The following PHF21B variants were observed in gnomAD, a reference collection of about 807,000 sequenced individuals.
PHF21B encodes PHD finger protein 21B.
Under a neutral mutation model 62.2 loss-of-function variants are expected in PHF21B, and 22 were observed. That is an observed-to-expected ratio of 0.35 (90% CI 0.25 to 0.51). The LOEUF is 0.51. Ranked by LOEUF, PHF21B falls within the 20% of genes least tolerant of loss-of-function variation. The pLI, the probability that PHF21B is intolerant of heterozygous loss-of-function variation, is 0.97. For synonymous variants in PHF21B, 341 were observed against 314.7 expected (o/e 1.08, Z -0.88); for missense variants, 701 against 707.9 (o/e 0.99, Z 0.11).
intron 2 of PHF21B, among the ~76,000 whole-genome samples, chr22:44,933,119 T>TC (rs1270519658): frequency 1.3e-5 from 2 of 150,988 alleles, no homozygotes; most frequent in African/African-American, 4.9e-5. Context: ...CTATTTCTTT[T>TC]TTTTTTTTTT....
chr22:44,995,140 T>C (rs901993477), intron 2 of PHF21B, among the ~76,000 whole-genome samples: 3 of 151,888 alleles, frequency 2.0e-5, no homozygotes, highest in Admixed American at 6.6e-5. Context: ...TGGGGAGGTA[T>C]GGGGGGGATG....
At chr22:44,959,638 C>T (rs941547011) in intron 2 of PHF21B, among the ~76,000 whole-genome samples, 8 of 152,206 alleles carry the variant, frequency 5.3e-5, no homozygotes, top group Non-Finnish European at 7.3e-5. Context: ...CAGGTGGTCC[C>T]GGTGCTGCAG....
chr22:44,957,232 C>T (rs1383097877), intron 2 of PHF21B, among the ~76,000 whole-genome samples: 1 of 152,256 alleles, frequency 6.6e-6, no homozygotes, highest in Non-Finnish European at 1.5e-5. Context: ...TTGCACAGTG[C>T]TCACCCAGCC....
intron 2 of PHF21B, chr22:44,969,308 G>A (rs773037287): frequency 1.3e-5 from 2 of 152,260 alleles, no homozygotes; most frequent in Non-Finnish European, 2.9e-5. Flanking sequence ...GCCTGGAAAG[G>A]CGCTTGAGCT....
At chr22:44,912,248 T>C (rs1183194162) in intron 5 of PHF21B, among the ~76,000 whole-genome samples, 1 of 152,208 alleles carries the variant, frequency 6.6e-6, no homozygotes, top group Non-Finnish European at 1.5e-5. Flanking sequence ...CTGTGGACTT[T>C]TGAGGTTAAT....
chr22:44,999,560 C>G (rs1001337788), intron 2 of PHF21B, among the ~76,000 whole-genome samples: 1 of 152,160 alleles, frequency 6.6e-6, no homozygotes, highest in African/African-American at 2.4e-5. Flanking sequence ...GTCACCAGGA[C>G]GGTTACTAAC....
intron 12 of PHF21B, among the ~76,000 whole-genome samples, chr22:44,884,697 A>T (rs374477121): frequency 1.7e-4 from 25 of 151,006 alleles, no homozygotes; most frequent in East Asian, 7.8e-4. Context: ...CATCATTACA[A>T]CCATCACCAT....
chr22:44,949,568 A>T (rs1197530430), intron 2 of PHF21B, among the ~76,000 whole-genome samples: 1 of 152,156 alleles, frequency 6.6e-6, no homozygotes, highest in East Asian at 1.9e-4. Context: ...ACGTCGCACA[A>T]GTCAGCAAGT....
chr22:44,933,465 A>G, intron 2 of PHF21B: 6 of 985,490 alleles, frequency 6.1e-6, no homozygotes, highest in South Asian at 4.7e-5. Context: ...TGTTCACTGC[A>G]CACCTACCCC....
rs188962789 is a variant in PHF21B at position 44,885,405 on chromosome 22, C to A, written c.1377+21G>T. ...ACACCTGCAGGGCTGAGGCCAGCCT[C>A]CCCCAGGCCCCGGGGCACACCTGCA... On this transcript the variant is annotated intron_variant, in intron 12 of 12. Coordinates refer to ENST00000313237, the MANE Select transcript of PHF21B (RefSeq NM_138415.5). 4.5e-4 allele frequency: 693 copies of A among 1,551,364 alleles called. 3 individuals carry two copies. In the African/African-American group the frequency reaches 8.8e-3, roughly 20 times the overall value.
At position 44,896,061 on chromosome 22, in the gene PHF21B, A is replaced by G. The variant is rs1198906881; in HGVS notation, c.854T>C (p.Leu285Pro). The change falls in exon 6 of 13, where the codon CTA becomes CCA. Residue 285 changes from leucine to proline, a missense_variant. By Grantham distance (98) the Leu-to-Pro change is moderately conservative. Coordinates refer to ENST00000313237, the MANE Select transcript of PHF21B (RefSeq NM_138415.5). ...CAAATGTTCCGTGGTAACCAGGCCT[A>G]GCGCTACCATGAAGGCGATTTTCTG... ...NPEKIAFMVA[L>P]GLVTTEHLEE... The G allele has an allele frequency of 6.2e-7, 1 of 1,614,078 alleles. No homozygotes were observed. Among genetic ancestry groups the G allele is most frequent in the African/African-American group, 1.3e-5 (1 of 74,942 alleles).
At chr22:44,916,667 G>T in intron 3 of PHF21B, 37 bp from the exon 4 acceptor site, 1 of 1,583,974 alleles carries the variant, frequency 6.3e-7, no homozygotes, top group Non-Finnish European at 8.6e-7. Flanking sequence ...CAGACAGGCA[G>T]ACACACAGGA....
chr22:44,896,803 T>C (rs2071064759), intron 5 of PHF21B, among the ~76,000 whole-genome samples: 1 of 152,164 alleles, frequency 6.6e-6, no homozygotes, highest in Non-Finnish European at 1.5e-5. Context: ...AGTTTTGTAA[T>C]GACCATTTCT....
intron 2 of PHF21B, among the ~76,000 whole-genome samples, chr22:44,995,782 A>ACCCCCCCCCCCCCCCCCCCCCCCCCCCCC (rs1016350979): frequency 7.4e-6 from 1 of 135,702 alleles, no homozygotes; most frequent in Non-Finnish European, 1.6e-5. Flanking sequence ...TTACTAGATG[A>ACCCCCCCCCCCCCCCCCCCCCCCCCCCCC]CCCCCCCGCC....
At chr22:44,891,196 A>C (rs2285124) in intron 8 of PHF21B, 110 bp downstream of exon 8, 151,652 of 1,226,252 alleles carry the variant, frequency 0.12, 11,892 homozygotes, top group African/African-American at 0.34. Flanking sequence ...CCCAGGTCAG[A>C]CCAGTGGGAG....
intron 3 of PHF21B, among the ~76,000 whole-genome samples, chr22:44,918,435 C>G (rs1338057569): frequency 6.6e-6 from 1 of 152,242 alleles, no homozygotes; most frequent in Non-Finnish European, 1.5e-5. Flanking sequence ...TGAGCCACCC[C>G]ACAGAGAACA....
intron 2 of PHF21B, among the ~76,000 whole-genome samples, chr22:44,921,233 G>T (rs1039318220): frequency 1.3e-5 from 2 of 152,158 alleles, no homozygotes; most frequent in African/African-American, 4.8e-5. Flanking sequence ...GAAGGGAGAT[G>T]GCACCCTCCC....
Position 45,009,005 on chromosome 22 carries a change from G to C in PHF21B, c.55-395C>G, listed in dbSNP as rs1224111575. On this transcript the variant is annotated intron_variant, in intron 1 of 12. Coordinates refer to ENST00000313237, the MANE Select transcript of PHF21B (RefSeq NM_138415.5). This position sits in a 1 kb window ranked among gnomAD's most constrained non-coding sequence, Gnocchi z 5.9. ...CAAAGCTCATAAATATTCAAGTCGCGTCCTAATCTCCCCAACACACACACG... is the reference window on the plus strand; with the variant it reads ...CAAAGCTCATAAATATTCAAGTCGCCTCCTAATCTCCCCAACACACACACG... 9.0e-7 allele frequency: 1 copy of C among 1,109,254 alleles called. No homozygotes were observed. The highest frequency in any genetic ancestry group is 1.7e-5 in the African/African-American group (1 of 60,242). The allele number at this position is 1,109,254 out of a possible 1,614,324, so 68.7% of individuals were successfully genotyped here. A position where few individuals can be genotyped will look rare whatever the true frequency, so the allele number is the denominator to read the frequency against.
chr22:44,934,210 C>T (rs1328786590), intron 2 of PHF21B, among the ~76,000 whole-genome samples: 1 of 152,216 alleles, frequency 6.6e-6, no homozygotes, highest in Non-Finnish European at 1.5e-5. Context: ...TTCCTCCTGA[C>T]TCTCAGGTGC....
Sources: gnomAD v4.1 joint callset for allele counts (sites outside exome capture counted in the v4.1 genomes callset) on GRCh38, gnomAD v4.1.1 for gene constraint, Gnocchi (gnomAD v3.1) non-coding constraint, MANE v1.5 for transcripts, NCBI Gene and HGNC (gene_info 2026-07-23, HGNC 2026-07-21) for gene names.